The following ZNF804B variants were observed in gnomAD, a reference collection of about 807,000 sequenced individuals.
ZNF804B encodes the protein zinc finger protein 804B.
Under a neutral mutation model 101.4 loss-of-function variants are expected in ZNF804B, and 80 were observed. The observed-to-expected ratio is 0.79, with a 90% CI of 0.66 to 0.95. The LOEUF is 0.95. ZNF804B is among the 40% of genes least tolerant of loss of function. The probability of loss-of-function intolerance (pLI) is 0.00; values close to 1 mark genes in which losing one functional copy is unlikely to be tolerated. For missense variants in ZNF804B, 1,673 were observed against 1,561.9 expected (o/e 1.07, Z -1.20); for synonymous variants, 622 against 558.8 (o/e 1.11, Z -1.59).
At chr7:89,007,907 A>G (rs1399665293) in intron 1 of ZNF804B, among the ~76,000 whole-genome samples, 2 of 151,980 alleles carry the variant, frequency 1.3e-5, no homozygotes, top group East Asian at 1.9e-4. Context: ...AATAACCTAT[A>G]AAGTAATAAA....
intron 1 of ZNF804B, among the ~76,000 whole-genome samples, chr7:88,832,765 C>A (rs1210854136): frequency 2.6e-5 from 4 of 151,946 alleles, no homozygotes; most frequent in Non-Finnish European, 4.4e-5. Flanking sequence ...TTAGGCCGAA[C>A]CTAGCCTATA....
chr7:88,828,436 G>A (rs929363387), intron 1 of ZNF804B, among the ~76,000 whole-genome samples: 3 of 151,788 alleles, frequency 2.0e-5, no homozygotes, highest in African/African-American at 4.8e-5. Flanking sequence ...TGCAATGCAG[G>A]GTCTTCCCTA....
intron 2 of ZNF804B, among the ~76,000 whole-genome samples, chr7:89,236,214 A>T (rs1017093017): frequency 2.6e-5 from 4 of 152,120 alleles, no homozygotes; most frequent in African/African-American, 9.7e-5. Flanking sequence ...GAAGTAAGAC[A>T]TGTCTCTAGT....
chr7:88,974,851 C>T (rs1159241250), intron 1 of ZNF804B, among the ~76,000 whole-genome samples: 3 of 151,282 alleles, frequency 2.0e-5, no homozygotes, highest in Non-Finnish European at 3.0e-5. Context: ...ACGGCAGTCA[C>T]CCTGTTGTGT....
intron 1 of ZNF804B, among the ~76,000 whole-genome samples, chr7:89,059,591 G>T (rs1789345648): frequency 6.6e-6 from 1 of 152,086 alleles, no homozygotes; most frequent in Non-Finnish European, 1.5e-5. Context: ...CCATCTCCAG[G>T]ACCAAAGATC....
At chr7:88,905,835 C>G (rs762347541) in intron 1 of ZNF804B, among the ~76,000 whole-genome samples, 1 of 148,642 alleles carries the variant, frequency 6.7e-6, no homozygotes, top group Admixed American at 6.8e-5. Flanking sequence ...CAGTGGGACT[C>G]GTAGCAGTTC....
intron 1 of ZNF804B, among the ~76,000 whole-genome samples, chr7:89,140,226 T>C (rs1299869032): frequency 6.6e-6 from 1 of 152,014 alleles, no homozygotes. Flanking sequence ...TTGTGTTGCA[T>C]TCCAGGATTT....
At chr7:89,080,294 T>TAA (rs34691685) in intron 1 of ZNF804B, among the ~76,000 whole-genome samples, 1 of 146,760 alleles carries the variant, frequency 6.8e-6, no homozygotes. Context: ...CTCTTCACCT[T>TAA]AAAAAAAAAA....
At chr7:89,295,869 G>A (rs1790374206) in intron 2 of ZNF804B, among the ~76,000 whole-genome samples, 4 of 152,092 alleles carry the variant, frequency 2.6e-5, no homozygotes, top group Admixed American at 2.6e-4. Context: ...GGATGGAGCT[G>A]GAGGACACTA....
intron 1 of ZNF804B, among the ~76,000 whole-genome samples, chr7:89,152,756 T>G (rs1360661734): frequency 4.6e-5 from 7 of 152,158 alleles, no homozygotes; most frequent in South Asian, 4.1e-4. Flanking sequence ...AATATTTTCT[T>G]TTTCTACAAT....
intron 1 of ZNF804B, among the ~76,000 whole-genome samples, chr7:88,945,819 T>A (rs756248332): frequency 6.6e-6 from 1 of 152,012 alleles, no homozygotes; most frequent in Non-Finnish European, 1.5e-5. Context: ...TTGTAAGTTG[T>A]ATTCCTAGGT....
chr7:89,337,876 A>C lies in ZNF804B; in HGVS notation c.*844A>C, dbSNP rs1791127911. On this transcript the variant is annotated 3_prime_UTR_variant, in exon 4 of 4. Transcript: ENST00000333190. ...CTAAAATATTGTTTATTATTCTTCT[A>C]CTCAAAAATTTTACTACGTTCAGCC... 6.6e-6 allele frequency among the ~76,000 whole-genome samples: 1 copy of C among 152,094 alleles called. No individual in the cohort carries two copies. Among genetic ancestry groups the C allele is most frequent in the Non-Finnish European group, 1.5e-5 (1 of 67,954 alleles).
chr7:88,922,503 A>G (rs17373368), intron 1 of ZNF804B, among the ~76,000 whole-genome samples: 9,847 of 152,066 alleles, frequency 0.065, 470 homozygotes, highest in South Asian at 0.17. Context: ...ATTCATATGT[A>G]TAGACATTTA....
chr7:89,182,443 C>G (rs1038369588), intron 1 of ZNF804B, among the ~76,000 whole-genome samples: 1 of 152,162 alleles, frequency 6.6e-6, no homozygotes, highest in African/African-American at 2.4e-5. Context: ...CTTGATAATC[C>G]CATGATAATA....
intron 1 of ZNF804B, among the ~76,000 whole-genome samples, chr7:88,876,797 T>C (rs916273550): frequency 1.0e-5 from 1 of 100,492 alleles, no homozygotes; most frequent in Non-Finnish European, 2.1e-5. Flanking sequence ...AATATTATGC[T>C]TTAGCTCTAA....
chr7:88,904,019 C>A (rs1792430680), intron 1 of ZNF804B, among the ~76,000 whole-genome samples: 2 of 152,122 alleles, frequency 1.3e-5, no homozygotes, highest in African/African-American at 2.4e-5. Context: ...GCCAAAAATT[C>A]TTTGCCATGG....
intron 1 of ZNF804B, among the ~76,000 whole-genome samples, chr7:89,027,523 A>G (rs1003037957): frequency 2.0e-5 from 3 of 152,200 alleles, no homozygotes; most frequent in Admixed American, 6.6e-5. Context: ...ATTACATTTT[A>G]TACTTTCAAC....
At chr7:88,817,068 T>G (rs1188194839) in intron 1 of ZNF804B, among the ~76,000 whole-genome samples, 1 of 152,102 alleles carries the variant, frequency 6.6e-6, no homozygotes, top group African/African-American at 2.4e-5. Flanking sequence ...AATGATGAGT[T>G]CATGTCCTTT....
intron 1 of ZNF804B, among the ~76,000 whole-genome samples, chr7:88,975,219 G>C (rs1467154398): frequency 6.6e-6 from 1 of 151,336 alleles, no homozygotes. Flanking sequence ...TGGCTGTTGT[G>C]AATAGTGCTG....
Sources: gnomAD v4.1 joint callset for allele counts (sites outside exome capture counted in the v4.1 genomes callset) on GRCh38, gnomAD v4.1.1 for gene constraint, MANE v1.5 for transcripts, NCBI Gene and HGNC (gene_info 2026-07-23, HGNC 2026-07-21) for gene names.